MACF1: variants seen among roughly 807,000 people sequenced by gnomAD.
The protein encoded by MACF1 is microtubule actin crosslinking factor 1.
Under a neutral mutation model 854.8 loss-of-function variants are expected in MACF1, and 193 were observed. The observed-to-expected ratio is 0.23, with a 90% CI of 0.20 to 0.25. MACF1 has a LOEUF of 0.25. Ranked by LOEUF, MACF1 falls within the 10% of genes least tolerant of loss-of-function variation. The pLI is 1.00. For missense variants in MACF1, 7,722 were observed against 8,929.1 expected (o/e 0.86, Z 5.45); for synonymous variants, 3,185 against 3,226.7 (o/e 0.99, Z 0.44).
At chr1:39,355,499 ACT>A (rs1191857458) in intron 44 of MACF1, among the ~76,000 whole-genome samples, 1 of 113,590 alleles carries the variant, frequency 8.8e-6, no homozygotes, top group African/African-American at 3.6e-5. Context: ...ACGGAGTCTC[ACT>A]CTGTCACCAG....
intron 2 of MACF1, among the ~76,000 whole-genome samples, chr1:39,114,067 C>T (rs887290679): frequency 6.6e-6 from 1 of 151,330 alleles, no homozygotes; most frequent in African/African-American, 2.4e-5. Context: ...TTGCTCACTC[C>T]ATTTTTTCCC....
At chr1:39,258,091 T>G in intron 6 of MACF1, 63 bp downstream of exon 6, 1 of 1,278,864 alleles carries the variant, frequency 7.8e-7, no homozygotes, top group Non-Finnish European at 1.1e-6. Context: ...AAAGTTGCAC[T>G]GCCTTCCACA....
intron 2 of MACF1, among the ~76,000 whole-genome samples, chr1:39,087,607 G>A (rs1641705576): frequency 6.6e-6 from 1 of 152,138 alleles, no homozygotes; most frequent in African/African-American, 2.4e-5. Flanking sequence ...AGTCACTAAT[G>A]AAAGTGTCTT....
intron 58 of MACF1, among the ~76,000 whole-genome samples, chr1:39,393,813 AAAAG>A (rs1430517883): frequency 3.3e-5 from 5 of 150,886 alleles, no homozygotes; most frequent in African/African-American, 4.9e-5. Context: ...TCTCAAAAAA[AAAAG>A]AAAGAAAGAC....
chr1:39,191,046 A>G (rs1026086511), intron 2 of MACF1, among the ~76,000 whole-genome samples: 1 of 152,100 alleles, frequency 6.6e-6, no homozygotes, highest in African/African-American at 2.4e-5. Flanking sequence ...ACTAAGCTGG[A>G]TAATAGTTTT....
chr1:39,353,691 A>G (rs1465498356), intron 44 of MACF1, among the ~76,000 whole-genome samples: 5 of 151,836 alleles, frequency 3.3e-5, no homozygotes, highest in African/African-American at 1.2e-4. Flanking sequence ...TGAAAATGGA[A>G]CTCCTATTTC....
rs1324033430 is a variant in MACF1 at position 39,283,175 on chromosome 1, C to G, written c.696-14C>G. On this transcript the variant is annotated splice_polypyrimidine_tract_variant and intron_variant, in intron 7 of 100. Transcript: ENST00000564288. This position sits in a 1 kb window ranked among gnomAD's most constrained non-coding sequence, Gnocchi z 4.5. ...AGATGGTGGCGTTTCATGTGCCTTG[C>G]TGGACTTTTACAGACCCGATCTAGT... 1.3e-6 allele frequency: 2 copies of G among 1,538,646 alleles called. No homozygotes were observed. Among genetic ancestry groups the G allele is most frequent in the Non-Finnish European group, 1.8e-6 (2 of 1,120,672 alleles).
In MACF1 at chr1:39,413,975, A is replaced by G. The variant is rs777571277; in HGVS notation, c.15817-8399A>G. The G allele has an allele frequency of 8.4e-6, 12 of 1,435,520 alleles. No individual in the cohort carries two copies. The African/African-American group carries it at 1.8e-4, about 22-fold the overall frequency. 88.9% of individuals were successfully genotyped at this position (1,435,520 alleles called of 1,614,324 possible). On this transcript the variant is annotated intron_variant, in intron 58 of 100. Transcript: ENST00000564288. Reference sequence around the variant, plus strand: ...GCCTCCCTAGCAGCTGCAGTGTCCAACCCAGAGGAGCCCACCTCCCCAGCA... The same window carrying G: ...GCCTCCCTAGCAGCTGCAGTGTCCAGCCCAGAGGAGCCCACCTCCCCAGCA...
At chr1:39,176,613 A>G (rs1433242161) in intron 2 of MACF1, among the ~76,000 whole-genome samples, 1 of 152,060 alleles carries the variant, frequency 6.6e-6, no homozygotes, top group Non-Finnish European at 1.5e-5. Flanking sequence ...GGGGAGCTAG[A>G]TATGAATTCT....
rs542154233 is a variant in MACF1, at chr1:39,156,029, A to G, written c.220+71591A>G. ...CAGCCTCCCAAGTATCTGGGACTACAGGCGCCCGCCACCGCACCCAGCTAA... is the reference window on the plus strand; with the variant it reads ...CAGCCTCCCAAGTATCTGGGACTACGGGCGCCCGCCACCGCACCCAGCTAA... On this transcript the variant is annotated intron_variant, in intron 2 of 93. Transcript: ENST00000361689. 6.7e-3 allele frequency among the ~76,000 whole-genome samples: 1,022 copies of G among 152,276 alleles called. 12 individuals carry two copies. Among genetic ancestry groups the G allele is most frequent in the Non-Finnish European group, 0.011 (764 of 68,022 alleles).
At chr1:39,394,376 C>T (rs191365350) in intron 58 of MACF1, among the ~76,000 whole-genome samples, 1 of 152,246 alleles carries the variant, frequency 6.6e-6, no homozygotes, top group East Asian at 1.9e-4. Flanking sequence ...AATCCCAGTA[C>T]TTTGGAAGGC....
At chr1:39,399,171 A>G (rs1226633785) in intron 58 of MACF1, among the ~76,000 whole-genome samples, 1 of 152,106 alleles carries the variant, frequency 6.6e-6, no homozygotes, top group African/African-American at 2.4e-5. Context: ...TTCGAAGGCC[A>G]TCTGATCTGA....
At chr1:39,445,921 C>T (rs568139707) in intron 80 of MACF1, among the ~76,000 whole-genome samples, 1 of 152,294 alleles carries the variant, frequency 6.6e-6, no homozygotes, top group South Asian at 2.1e-4. Flanking sequence ...GATGGTGCCC[C>T]TGCATTCTAG....
chr1:39,168,534 G>A (rs1293726422), intron 2 of MACF1, among the ~76,000 whole-genome samples: 1 of 152,056 alleles, frequency 6.6e-6, no homozygotes, highest in Non-Finnish European at 1.5e-5. Flanking sequence ...TCGCTATATT[G>A]CCCAGGCAGG....
At chr1:39,454,673 G>A (rs1644402328) in intron 88 of MACF1, among the ~76,000 whole-genome samples, 1 of 152,118 alleles carries the variant, frequency 6.6e-6, no homozygotes, top group South Asian at 2.1e-4. Context: ...GGTGGCACAA[G>A]TCTGTAATCC....
chr1:39,257,166 C>A, intron 5 of MACF1, among the ~76,000 whole-genome samples: 1 of 152,176 alleles, frequency 6.6e-6, no homozygotes. Context: ...ACATATCCTT[C>A]GATGGATGAA....
chr1:39,353,379 T>C lies in MACF1; in HGVS notation c.11424+148T>C, dbSNP rs1425161082. ...CAGCAGCTTTGACACTGTTGGCCAC[T>C]CCTCTTGAAATACTTTCTCCCTTGG... On this transcript the variant is annotated intron_variant, in intron 44 of 100. Transcript: ENST00000564288. The C allele has an allele frequency of 1.4e-5, 8 of 588,542 alleles. No individual in the cohort carries two copies. The Admixed American group carries it at 2.1e-4, about 16-fold the overall frequency. 36.5% of individuals were successfully genotyped at this position (588,542 alleles called of 1,614,324 possible).
chr1:39,279,540 G>T (rs143792909), intron 6 of MACF1, among the ~76,000 whole-genome samples: 50 of 152,074 alleles, frequency 3.3e-4, no homozygotes, highest in African/African-American at 1.2e-3. Context: ...TCATGGTACT[G>T]CACCTGATAG....
At chr1:39,166,712 C>T (rs1202086299) in intron 2 of MACF1, among the ~76,000 whole-genome samples, 1 of 151,930 alleles carries the variant, frequency 6.6e-6, no homozygotes, top group Non-Finnish European at 1.5e-5. Context: ...CTTGGCCTCC[C>T]AGAGTGCTGG....
Sources: gnomAD v4.1 joint callset for allele counts (sites outside exome capture counted in the v4.1 genomes callset) on GRCh38, gnomAD v4.1.1 for gene constraint, Gnocchi (gnomAD v3.1) non-coding constraint, MANE v1.5 for transcripts, NCBI Gene and HGNC (gene_info 2026-07-23, HGNC 2026-07-21) for gene names.